DMD: variants seen among roughly 807,000 people sequenced by gnomAD.
DMD encodes dystrophin, also known as mutant dystrophin.
A neutral mutation model predicts 330.1 loss-of-function variants in DMD; 63 were observed. The observed-to-expected ratio is 0.19, with a 90% CI of 0.16 to 0.24. The LOEUF is 0.24. Among genes scored for constraint, DMD ranks in the 10% least tolerant of loss-of-function variants. The pLI is 1.00. For synonymous variants in DMD, 1,223 were observed against 959.8 expected (o/e 1.27, Z -5.07); for missense variants, 3,344 against 2,684.1 (o/e 1.25, Z -5.43).
In DMD at chrX:32,352,714, G is replaced by A. The variant is rs191308523; in HGVS notation, c.5326-4186C>T. On this transcript the variant is annotated intron_variant, in intron 37 of 78. Coordinates refer to ENST00000357033, the MANE Select transcript of DMD (RefSeq NM_004006.3). Reference sequence around the variant, plus strand: ...GGTGAATTTAGATTATTCTTACGTCGGTCTTATTATCTTGCATTATGTGTT... The same window carrying A: ...GGTGAATTTAGATTATTCTTACGTCAGTCTTATTATCTTGCATTATGTGTT... 3.5e-3 allele frequency among the ~76,000 whole-genome samples: 389 copies of A among 110,314 alleles called. 8 individuals are homozygous for A. In the East Asian group the frequency reaches 0.078, roughly 22 times the overall value.
chrX:32,548,060 T>A (rs1296972818), intron 16 of DMD, among the ~76,000 whole-genome samples: 2 of 111,646 alleles, frequency 1.8e-5, no homozygotes, highest in Non-Finnish European at 3.8e-5. Context: ...CCAAAACCAA[T>A]GTTTCTTGGC....
intron 1 of DMD, among the ~76,000 whole-genome samples, chrX:33,055,921 T>C (rs1278660826): frequency 9.0e-6 from 1 of 110,506 alleles, no homozygotes; most frequent in Non-Finnish European, 1.9e-5. Flanking sequence ...AATGAATGTA[T>C]TGTCTACTAC....
At chrX:32,119,879 G>A (rs2096627406) in intron 44 of DMD, among the ~76,000 whole-genome samples, 1 of 111,840 alleles carries the variant, frequency 8.9e-6, no homozygotes, top group Non-Finnish European at 1.9e-5. Context: ...ACAGCCCTGG[G>A]TGGCCATCAC....
intron 1 of DMD, among the ~76,000 whole-genome samples, chrX:33,106,049 ACACAC>A (rs781718115): frequency 0.13 from 3,532 of 27,074 alleles, 125 homozygotes; most frequent in African/African-American, 0.26. Context: ...TGTGAGATAC[ACACAC>A]CACACACACA....
intron 44 of DMD, among the ~76,000 whole-genome samples, chrX:32,154,895 G>A (rs1049841224): frequency 9.1e-6 from 1 of 109,626 alleles, no homozygotes; most frequent in Non-Finnish European, 1.9e-5. Context: ...AAACTCTATT[G>A]TTCCCTGATG....
chrX:32,595,963 T>A, intron 12 of DMD, 87 bp from the exon 13 acceptor site: 1 of 855,496 alleles, frequency 1.2e-6, no homozygotes, highest in Non-Finnish European at 1.7e-6. Context: ...TGAAATTTAT[T>A]TCTGCTACAT....
At chrX:32,385,009 C>T (rs1462581571) in intron 33 of DMD, among the ~76,000 whole-genome samples, 1 of 110,603 alleles carries the variant, frequency 9.0e-6, no homozygotes, top group Admixed American at 9.7e-5. Context: ...TAATGCAATC[C>T]CTATTAAAAT....
intron 59 of DMD, among the ~76,000 whole-genome samples, chrX:31,448,480 C>T (rs2065452527): frequency 1.8e-5 from 2 of 111,882 alleles, no homozygotes; most frequent in Non-Finnish European, 3.8e-5. Context: ...AGGTACTTTG[C>T]TATTTAAATA....
At chrX:32,142,466 A>G (rs980988138) in intron 44 of DMD, among the ~76,000 whole-genome samples, 1 of 112,441 alleles carries the variant, frequency 8.9e-6, no homozygotes, top group Non-Finnish European at 1.9e-5. Context: ...ATCTCACAGA[A>G]AAGTCGAGAG....
chrX:32,778,826 C>T (rs779581096), intron 7 of DMD, among the ~76,000 whole-genome samples: 2 of 110,792 alleles, frequency 1.8e-5, no homozygotes, highest in South Asian at 3.8e-4. Flanking sequence ...ATCTCCCTCC[C>T]TATTTTAAGA....
chrX:32,686,592 A>C (rs1166813730), intron 9 of DMD, among the ~76,000 whole-genome samples: 1 of 108,569 alleles, frequency 9.2e-6, no homozygotes, highest in Non-Finnish European at 1.9e-5. Context: ...AGAAAAGAAA[A>C]GAAAAGAAAG....
At chrX:31,337,199 A>G (rs766435325) in intron 61 of DMD, among the ~76,000 whole-genome samples, 2 of 110,651 alleles carry the variant, frequency 1.8e-5, no homozygotes, top group South Asian at 7.7e-4. Context: ...CTGGGATTAT[A>G]GGTGTGAGCC....
At chrX:32,697,255 T>C (rs1258463651) in intron 9 of DMD, among the ~76,000 whole-genome samples, 1 of 111,863 alleles carries the variant, frequency 8.9e-6, no homozygotes, top group Non-Finnish European at 1.9e-5. Context: ...CCACTGAGTC[T>C]TCCTCATATA....
chrX:32,053,182 T>C (rs151116632), intron 44 of DMD, among the ~76,000 whole-genome samples: 128 of 111,609 alleles, frequency 1.1e-3, no homozygotes, highest in Non-Finnish European at 1.0e-3. Context: ...GAATGGGACA[T>C]AGTGGTCAAT....
At chrX:33,222,133 T>G (rs1001850045) in intron 1 of DMD, among the ~76,000 whole-genome samples, 2 of 111,756 alleles carry the variant, frequency 1.8e-5, no homozygotes, top group Non-Finnish European at 3.8e-5. Flanking sequence ...CCATATTCCT[T>G]ACAAATATTA....
chrX:32,167,486 A>C (rs1188588145), intron 44 of DMD, among the ~76,000 whole-genome samples: 2 of 111,743 alleles, frequency 1.8e-5, no homozygotes, highest in East Asian at 5.6e-4. Context: ...ACCCACCAGG[A>C]TTGTTTTAGG....
chrX:32,296,047 T>C (rs1483590789), intron 42 of DMD, among the ~76,000 whole-genome samples: 2 of 112,387 alleles, frequency 1.8e-5, no homozygotes, highest in Admixed American at 9.4e-5. Context: ...TTTGTACCTA[T>C]AGCAAAGCTC....
intron 48 of DMD, among the ~76,000 whole-genome samples, chrX:31,864,813 G>A (rs989129340): frequency 1.8e-5 from 2 of 111,681 alleles, no homozygotes; most frequent in Admixed American, 1.9e-4. Flanking sequence ...TTTATTGTTA[G>A]TACCTCTTAC....
intron 55 of DMD, among the ~76,000 whole-genome samples, chrX:31,529,897 T>TA (rs369803858): frequency 0.19 from 18,886 of 98,505 alleles, 1,524 homozygotes; most frequent in African/African-American, 0.26. Flanking sequence ...AAGATTTCTT[T>TA]AAAAAAAAAA....
Sources: gnomAD v4.1 joint callset for allele counts (sites outside exome capture counted in the v4.1 genomes callset) on GRCh38, gnomAD v4.1.1 for gene constraint, MANE v1.5 for transcripts, NCBI Gene and HGNC (gene_info 2026-07-23, HGNC 2026-07-21) for gene names.